Variants in MGMT observed in about 807,000 individuals in gnomAD.
MGMT encodes methylated-DNA--protein-cysteine methyltransferase.
Under a neutral mutation model 15.9 loss-of-function variants are expected in MGMT, and 14 were observed. That is an observed-to-expected ratio of 0.88 (90% CI 0.58 to 1.37). The LOEUF (loss-of-function observed/expected upper bound fraction) is 1.37, where lower values mean the gene tolerates loss of function less well. Ranked by LOEUF, MGMT falls within the 40% of genes most tolerant of loss-of-function variation. The pLI, the probability that MGMT is intolerant of heterozygous loss-of-function variation, is 0.00. For synonymous variants in MGMT, 130 were observed against 118.2 expected (o/e 1.10, Z -0.65); for missense variants, 282 against 268.1 (o/e 1.05, Z -0.36).
intron 3 of MGMT, among the ~76,000 whole-genome samples, chr10:129,754,594 A>G (rs1288336192): frequency 6.6e-6 from 1 of 152,200 alleles, no homozygotes. Flanking sequence ...CTGCTATAAC[A>G]ACACTGCCAT....
chr10:129,723,106 G>A (rs754245876), intron 3 of MGMT, among the ~76,000 whole-genome samples: 13 of 150,140 alleles, frequency 8.7e-5, no homozygotes, highest in African/African-American at 2.2e-4. Context: ...CACTTTAATG[G>A]TTAGAAATTT....
intron 2 of MGMT, among the ~76,000 whole-genome samples, chr10:129,568,712 T>C (rs1283507450): frequency 2.0e-5 from 3 of 152,198 alleles, no homozygotes; most frequent in Non-Finnish European, 4.4e-5. Context: ...ACAGCTCCTA[T>C]GGACCTGGAG....
rs568499307 is a variant in MGMT at position 129,502,108 on chromosome 10, G to A, written c.-12-34133G>A. On this transcript the variant is annotated intron_variant, in intron 1 of 4. Transcript: ENST00000651593. ...AGTGGGTTTGGTGGTGGTTGTTACT[G>A]CAGAGCGTCCCAGCCATCCTGACTA... is the stretch of plus-strand genomic sequence containing the variant. 1.6e-4 allele frequency among the ~76,000 whole-genome samples: 25 copies of A among 152,360 alleles called. No individual in the cohort carries two copies. In the South Asian group the frequency reaches 5.2e-3, roughly 32 times the overall value.
Position 129,740,612 on chromosome 10 carries a change from G to A in MGMT, c.275-18590G>A, listed in dbSNP as rs80093770. ...TTTTACCAGGAGGAAACGGAGGGGC[G>A]ACAGGACAGCGTTCTAGGAAGTAGC... On this transcript the variant is annotated intron_variant, in intron 3 of 4. Coordinates refer to ENST00000651593, the MANE Select transcript of MGMT (RefSeq NM_002412.5). Among the ~76,000 whole-genome samples, 25 of 152,312 alleles carry A rather than the reference G, an allele frequency of 1.6e-4. 1 individual carries two copies. The South Asian group carries it at 2.5e-3, about 15-fold the overall frequency.
At chr10:129,689,207 G>A (rs1847944185) in intron 2 of MGMT, among the ~76,000 whole-genome samples, 1 of 152,218 alleles carries the variant, frequency 6.6e-6, no homozygotes, top group Admixed American at 6.5e-5. Context: ...GGGATTACAG[G>A]TGTGTGCCAC....
intron 2 of MGMT, among the ~76,000 whole-genome samples, chr10:129,651,130 T>C (rs1847452742): frequency 6.6e-6 from 1 of 152,204 alleles, no homozygotes; most frequent in South Asian, 2.1e-4. Context: ...TGGATGCCTC[T>C]GTTCCCAGCA....
At chr10:129,480,719 AC>A (rs751257393) in intron 1 of MGMT, among the ~76,000 whole-genome samples, 12 of 152,320 alleles carry the variant, frequency 7.9e-5, no homozygotes, top group Non-Finnish European at 1.5e-4. Context: ...CTCTACAAAA[AC>A]ATTTTTTAAA....
At chr10:129,712,730 G>A (rs549360224) in intron 3 of MGMT, among the ~76,000 whole-genome samples, 8 of 152,282 alleles carry the variant, frequency 5.3e-5, no homozygotes, top group African/African-American at 1.7e-4. Context: ...GGAGAAGAGA[G>A]TGGCGTCATT....
At chr10:129,614,669 G>A (rs921757226) in intron 2 of MGMT, among the ~76,000 whole-genome samples, 4 of 152,298 alleles carry the variant, frequency 2.6e-5, no homozygotes, top group African/African-American at 9.6e-5. Context: ...TCTTGACCTC[G>A]ATGTTGCCCA....
intron 4 of MGMT, 70 bp from the exon 5 acceptor site, chr10:129,766,718 C>G: frequency 3.5e-6 from 5 of 1,421,170 alleles, no homozygotes; most frequent in Non-Finnish European, 4.8e-6. Context: ...CAGTCAGGGC[C>G]TTGGCCTTGA....
chr10:129,511,447 T>C (rs1028308436), intron 1 of MGMT, among the ~76,000 whole-genome samples: 2 of 149,898 alleles, frequency 1.3e-5, no homozygotes, highest in Non-Finnish European at 3.0e-5. Context: ...GCCACATGCT[T>C]CATGTGATGG....
At chr10:129,601,940 A>C (rs1846827245) in intron 2 of MGMT, among the ~76,000 whole-genome samples, 1 of 152,286 alleles carries the variant, frequency 6.6e-6, no homozygotes, top group Non-Finnish European at 1.5e-5. Context: ...CCCGTAGTTC[A>C]TTGGTCCGTG....
chr10:129,750,421 T>C (rs563462852), intron 3 of MGMT, among the ~76,000 whole-genome samples: 7 of 152,250 alleles, frequency 4.6e-5, no homozygotes, highest in African/African-American at 1.7e-4. Flanking sequence ...TTTGTCAAAG[T>C]CTAAATTTGG....
intron 2 of MGMT, among the ~76,000 whole-genome samples, chr10:129,568,584 T>G (rs1170572636): frequency 1.3e-5 from 2 of 152,212 alleles, no homozygotes; most frequent in South Asian, 2.1e-4. Context: ...TTTAGAAATA[T>G]GTCATTGGTG....
At chr10:129,716,725 T>C (rs1008135856) in intron 3 of MGMT, among the ~76,000 whole-genome samples, 1 of 152,208 alleles carries the variant, frequency 6.6e-6, no homozygotes, top group Non-Finnish European at 1.5e-5. Flanking sequence ...GCAGCTGATA[T>C]TAAAGGCTAT....
intron 1 of MGMT, among the ~76,000 whole-genome samples, chr10:129,493,392 C>G (rs1845489021): frequency 6.6e-6 from 1 of 152,146 alleles, no homozygotes; most frequent in African/African-American, 2.4e-5. Flanking sequence ...GCTTACTCTC[C>G]TTTTTCCAAG....
intron 4 of MGMT, among the ~76,000 whole-genome samples, chr10:129,764,480 G>C (rs3793908): frequency 2.0e-5 from 3 of 152,128 alleles, no homozygotes; most frequent in Non-Finnish European, 2.9e-5. Flanking sequence ...AAAAGTAGCA[G>C]TCACCTCCCC....
At chr10:129,599,987 T>TAGGG (rs1846800192) in intron 2 of MGMT, among the ~76,000 whole-genome samples, 1 of 151,964 alleles carries the variant, frequency 6.6e-6, no homozygotes, top group South Asian at 2.1e-4. Flanking sequence ...GGTAGGTAGG[T>TAGGG]AGGTAGGTAG....
chr10:129,482,035 T>C (rs1045713584), intron 1 of MGMT, among the ~76,000 whole-genome samples: 1 of 152,198 alleles, frequency 6.6e-6, no homozygotes, highest in African/African-American at 2.4e-5. Flanking sequence ...CATATAAACA[T>C]TTAATGCTAA....
Sources: gnomAD v4.1 joint callset for allele counts (sites outside exome capture counted in the v4.1 genomes callset) on GRCh38, gnomAD v4.1.1 for gene constraint, MANE v1.5 for transcripts, NCBI Gene and HGNC (gene_info 2026-07-23, HGNC 2026-07-21) for gene names.